MORC1: variants seen among roughly 807,000 people sequenced by gnomAD.
MORC1 encodes MORC family CW-type zinc finger protein 1.
In MORC1, 59 loss-of-function variants were observed where a neutral mutation model predicts 134.9. That is an observed-to-expected ratio of 0.44 (90% CI 0.35 to 0.54). MORC1 has a LOEUF of 0.54. Among genes scored for constraint, MORC1 ranks in the 20% least tolerant of loss-of-function variants. MORC1 has a pLI of 0.00. For synonymous variants in MORC1, 395 were observed against 391.7 expected (o/e 1.01, Z -0.10); for missense variants, 947 against 1,134.5 (o/e 0.83, Z 2.37).
intron 6 of MORC1, among the ~76,000 whole-genome samples, chr3:109,097,610 C>CAGGAGAA (rs1188975250): frequency 1.3e-5 from 2 of 152,076 alleles, no homozygotes; most frequent in Admixed American, 6.5e-5. Context: ...AGCTGCAGCA[C>CAGGAGAA]AGGAGAAAGC....
intron 27 of MORC1, among the ~76,000 whole-genome samples, chr3:108,959,674 C>A (rs1016766019): frequency 6.6e-6 from 1 of 152,060 alleles, no homozygotes; most frequent in Admixed American, 6.6e-5. Flanking sequence ...AACAGTTAGA[C>A]GTATGAGTTG....
rs141366011 is a variant in MORC1, at chr3:109,078,970, C to T, written c.690-9213G>A. Among the ~76,000 whole-genome samples the T allele has an allele frequency of 5.1e-3, 780 of 151,968 alleles. 18 individuals are homozygous for T. Among genetic ancestry groups the T allele is most frequent in the African/African-American group, 0.018 (749 of 41,534 alleles). On this transcript the variant is annotated intron_variant, in intron 8 of 27. Transcript: ENST00000232603. ...AATCTGAATAGAATAACAGTCTTAGCACCATTAAAAAGTAATAAAAGAAAT... is the reference window on the plus strand; with the variant it reads ...AATCTGAATAGAATAACAGTCTTAGTACCATTAAAAAGTAATAAAAGAAAT...
intron 6 of MORC1, among the ~76,000 whole-genome samples, chr3:109,097,824 G>C (rs1295030592): frequency 6.6e-6 from 1 of 152,140 alleles, no homozygotes; most frequent in Admixed American, 6.5e-5. Context: ...GGTATAATTT[G>C]AACAGTGTTT....
At chr3:109,044,249 T>C (rs183983842) in intron 14 of MORC1, among the ~76,000 whole-genome samples, 40 of 152,288 alleles carry the variant, frequency 2.6e-4, no homozygotes, top group African/African-American at 9.1e-4. Flanking sequence ...AATGAATTGT[T>C]CAGGAGCCTC....
intron 8 of MORC1, among the ~76,000 whole-genome samples, chr3:109,085,112 G>A (rs1950592157): frequency 6.6e-6 from 1 of 151,792 alleles, no homozygotes; most frequent in African/African-American, 2.4e-5. Context: ...GGGTGTGTCT[G>A]TGTCTATCTG....
intron 17 of MORC1, among the ~76,000 whole-genome samples, chr3:109,025,442 A>T (rs1483086089): frequency 3.9e-5 from 5 of 128,854 alleles, no homozygotes; most frequent in African/African-American, 1.5e-4. Context: ...GCTGGAATGC[A>T]GTGGCGTGGG....
chr3:109,040,483 A>AGAAAG (rs1949508886), intron 14 of MORC1, among the ~76,000 whole-genome samples: 1 of 147,158 alleles, frequency 6.8e-6, no homozygotes, highest in African/African-American at 2.6e-5. Context: ...AAAGAAAGAA[A>AGAAAG]GAAAGGAAAG....
chr3:109,083,374 C>T (rs1950557945), intron 8 of MORC1, among the ~76,000 whole-genome samples: 2 of 151,058 alleles, frequency 1.3e-5, no homozygotes, highest in South Asian at 4.2e-4. Context: ...TGAACAAACC[C>T]AGAATACTAT....
intron 14 of MORC1, among the ~76,000 whole-genome samples, chr3:109,036,284 A>G (rs979901968): frequency 3.9e-5 from 6 of 152,208 alleles, no homozygotes; most frequent in Admixed American, 3.3e-4. Flanking sequence ...TTAAAAATAT[A>G]TATATATCAA....
chr3:108,988,708 T>C (rs993888931), intron 21 of MORC1, among the ~76,000 whole-genome samples: 1 of 152,182 alleles, frequency 6.6e-6, no homozygotes, highest in Non-Finnish European at 1.5e-5. Flanking sequence ...TGTGTTAATT[T>C]TCTTTGGTAA....
chr3:109,059,857 C>T lies in MORC1; in HGVS notation c.980G>A (p.Arg327Lys), dbSNP rs1317404794. 6.2e-7 allele frequency: 1 copy of T among 1,612,334 alleles called. No homozygotes were observed. The highest frequency in any genetic ancestry group is 8.5e-7 in the Non-Finnish European group (1 of 1,179,146). ...SLSSAKDVLQ[R>K]ALEDVEAKQK... The stretch of plus-strand genomic sequence containing the variant: ...CTTTGCTTCTACATCTTCCAAAGCT[C>T]TCTGTAATACATCCTGGAGAAATGC... Residue 327 changes from arginine to lysine, a missense_variant, in exon 12 of 28, where the codon AGA becomes AAA. This residue lies in a region of MORC1 where 722 missense variants were observed against 817.0 expected (regional missense o/e 0.88). Coordinates refer to ENST00000232603, the MANE Select transcript of MORC1 (RefSeq NM_014429.4).
At chr3:109,076,398 C>A (rs919962102) in intron 8 of MORC1, among the ~76,000 whole-genome samples, 1 of 152,136 alleles carries the variant, frequency 6.6e-6, no homozygotes, top group African/African-American at 2.4e-5. Flanking sequence ...ATTAGTTCAA[C>A]CATTGTGGAA....
intron 14 of MORC1, among the ~76,000 whole-genome samples, chr3:109,044,329 C>T (rs561847660): frequency 6.9e-4 from 104 of 151,314 alleles, no homozygotes; most frequent in Middle Eastern, 3.4e-3. Context: ...GAGGCTGAGG[C>T]GGGCGGATCG....
Position 109,057,178 on chromosome 3 carries a change from T to C in MORC1, c.1175+165A>G, listed in dbSNP as rs570724518. On this transcript the variant is annotated intron_variant, in intron 13 of 27. Coordinates refer to ENST00000232603, the MANE Select transcript of MORC1 (RefSeq NM_014429.4). The stretch of plus-strand genomic sequence containing the variant: ...TAGAGCATGCATGCAGATTCACTGA[T>C]ACTATCAATGAGGCAGATTAATGCC... 2.0e-5 allele frequency among the ~76,000 whole-genome samples: 3 copies of C among 152,288 alleles called. No individual in the cohort carries two copies. The South Asian group carries it at 6.2e-4, about 32-fold the overall frequency.
At chr3:109,019,784 C>T (rs2107576400) in intron 17 of MORC1, among the ~76,000 whole-genome samples, 1 of 152,304 alleles carries the variant, frequency 6.6e-6, no homozygotes, top group East Asian at 1.9e-4. Context: ...TCATTTCACC[C>T]CTCCATTCAT....
At position 108,958,803 on chromosome 3, in the gene MORC1, A is replaced by C; in HGVS notation, c.*162T>G. The C allele has an allele frequency of 2.6e-6, 1 of 390,008 alleles. No homozygotes were observed. Among genetic ancestry groups the C allele is most frequent in the East Asian group, 4.2e-5 (1 of 23,716 alleles). The allele number at this position is 390,008 out of a possible 1,614,324, so 24.2% of individuals were successfully genotyped here. A position where few individuals can be genotyped will look rare whatever the true frequency, so the allele number is the denominator to read the frequency against. On this transcript the variant is annotated 3_prime_UTR_variant, in exon 28 of 28. Transcript: ENST00000232603. ...ATACATAAATTGTAAATCGGTCTCC[A>C]TTTCTAGAGTACACAATTTTCTTAT...
intron 8 of MORC1, among the ~76,000 whole-genome samples, chr3:109,083,415 A>T (rs1225341510): frequency 6.6e-6 from 1 of 152,182 alleles, no homozygotes. Context: ...TCATTATGCT[A>T]GTATGAAACC....
intron 17 of MORC1, among the ~76,000 whole-genome samples, chr3:109,024,753 A>T (rs1312797868): frequency 6.6e-6 from 1 of 152,192 alleles, no homozygotes; most frequent in Non-Finnish European, 1.5e-5. Flanking sequence ...TGAATGGGTG[A>T]ATGGACACCA....
At chr3:109,083,657 T>A (rs2107738664) in intron 8 of MORC1, among the ~76,000 whole-genome samples, 1 of 152,266 alleles carries the variant, frequency 6.6e-6, no homozygotes, top group Middle Eastern at 3.4e-3. Flanking sequence ...TTCAAACTCA[T>A]TCCACAAGGC....
Sources: gnomAD v4.1 joint callset for allele counts (sites outside exome capture counted in the v4.1 genomes callset) on GRCh38, gnomAD v4.1.1 for gene constraint, gnomAD v4.1.1 regional missense constraint, MANE v1.5 for transcripts, NCBI Gene and HGNC (gene_info 2026-07-23, HGNC 2026-07-21) for gene names.